Variants in POLR3B observed in about 807,000 individuals in gnomAD.
POLR3B encodes RNA polymerase III subunit B.
A neutral mutation model predicts 147.4 loss-of-function variants in POLR3B; 96 were observed. The ratio of observed to expected loss-of-function variants is 0.65; its 90% CI spans 0.55 to 0.77. The LOEUF (loss-of-function observed/expected upper bound fraction) is 0.77. Among genes scored for constraint, POLR3B ranks in the 30% least tolerant of loss-of-function variants. POLR3B has a pLI of 0.00. For missense variants in POLR3B, 1,036 were observed against 1,413.5 expected (o/e 0.73, Z 4.28); for synonymous variants, 461 against 485.9 (o/e 0.95, Z 0.67).
chr12:106,432,456 A>G lies in POLR3B; in HGVS notation c.1603A>G (p.Asn535Asp), dbSNP rs755854514. The G allele has an allele frequency of 6.8e-6, 11 of 1,613,126 alleles. No individual in the cohort carries two copies. The Admixed American group carries it at 1.8e-4, about 27-fold the overall frequency. ...LLCGEELSYP[N>D]VFLVFLNGNI... ...ATGTGGGGAAGAGCTCTCTTACCCA[A>G]ATGTGTTTCTTGTCTTTCTTAATGG... Residue 535 changes from asparagine (N) to aspartate (D), a missense_variant, in exon 15 of 28, where the codon AAT (asparagine) becomes GAT (aspartate). Asn to Asp is a conservative substitution (Grantham distance 23). Transcript: ENST00000228347.
intron 10 of POLR3B, among the ~76,000 whole-genome samples, chr12:106,394,586 A>T (rs1487370094): frequency 6.6e-6 from 1 of 152,204 alleles, no homozygotes; most frequent in African/African-American, 2.4e-5. Flanking sequence ...TATGCAGTTT[A>T]TTTCAAACAT....
At chr12:106,410,607 C>G in intron 11 of POLR3B, 1 of 562,884 alleles carries the variant, frequency 1.8e-6, no homozygotes, top group Admixed American at 3.0e-5. Context: ...ATGTAGTCAT[C>G]TTTGACACAG....
At chr12:106,445,333 A>G (rs1387383011) in intron 19 of POLR3B, among the ~76,000 whole-genome samples, 1 of 152,176 alleles carries the variant, frequency 6.6e-6, no homozygotes, top group East Asian at 1.9e-4. Flanking sequence ...GACAACCAAA[A>G]TCTAAGAAAA....
chr12:106,384,414 T>C (rs1370788104), intron 9 of POLR3B, among the ~76,000 whole-genome samples: 1 of 152,244 alleles, frequency 6.6e-6, no homozygotes, highest in East Asian at 1.9e-4. Flanking sequence ...ACTTACTTGC[T>C]AAAATTTATA....
chr12:106,416,426 T>C (rs1232453634), intron 12 of POLR3B, among the ~76,000 whole-genome samples: 1 of 152,208 alleles, frequency 6.6e-6, no homozygotes, highest in Non-Finnish European at 1.5e-5. Context: ...TCTCTTGTTC[T>C]TGGCTGCCCC....
In POLR3B at chr12:106,433,833, G is replaced by A. The variant is rs1302871916; in HGVS notation, c.1742G>A (p.Arg581Gln). ...TCCATCTCAACAAATCTTACAGATC[G>A]ATGTGTCTATATTTCTTCTGATGGG... ...FVSISTNLTD[R>Q]CVYISSDGGR... Residue 581 changes from arginine to glutamine, a missense_variant, in exon 16 of 28, where the codon CGA (arginine) becomes CAA (glutamine). Physicochemically the swap from Arg to Gln is conservative, Grantham distance 43. Around this residue, in one of 12 missense-constraint regions of POLR3B, gnomAD observed 177 missense variants for 232.7 expected, o/e 0.76. Coordinates refer to ENST00000228347, the MANE Select transcript of POLR3B (RefSeq NM_018082.6). The A allele has an allele frequency of 2.5e-6, 4 of 1,613,508 alleles. No homozygotes were observed. The highest frequency in any genetic ancestry group is 1.1e-5 in the South Asian group (1 of 91,046).
intron 26 of POLR3B, among the ~76,000 whole-genome samples, chr12:106,503,407 T>C (rs2038633613): frequency 6.6e-6 from 1 of 152,168 alleles, no homozygotes; most frequent in Admixed American, 6.5e-5. Context: ...GCTCAAAGAT[T>C]ACCTTTAAGA....
chr12:106,386,833 G>A (rs1433601314), intron 9 of POLR3B, among the ~76,000 whole-genome samples: 2 of 152,022 alleles, frequency 1.3e-5, no homozygotes, highest in Non-Finnish European at 2.9e-5. Context: ...CGTGAACCTG[G>A]AAGCCGGAGC....
chr12:106,483,892 C>T lies in POLR3B; in HGVS notation c.2714-12163C>T, dbSNP rs577402236. Reference sequence around the variant, plus strand: ...CTGTTCAGTATTTAAAGAAAGCCCTCGGATTGACGAAAAGTATAGCAGAGA... The same window carrying T: ...CTGTTCAGTATTTAAAGAAAGCCCTTGGATTGACGAAAAGTATAGCAGAGA... On this transcript the variant is annotated intron_variant, in intron 23 of 27. Coordinates refer to ENST00000228347, the MANE Select transcript of POLR3B (RefSeq NM_018082.6). 6.6e-5 allele frequency among the ~76,000 whole-genome samples: 10 copies of T among 152,280 alleles called. No homozygotes were observed. The South Asian group carries it at 2.1e-3, about 32-fold the overall frequency.
At chr12:106,452,237 A>G (rs1341853462) in intron 19 of POLR3B, among the ~76,000 whole-genome samples, 2 of 152,262 alleles carry the variant, frequency 1.3e-5, no homozygotes, top group Non-Finnish European at 2.9e-5. Flanking sequence ...TTTAACTTAC[A>G]CACCCATAGT....
intron 23 of POLR3B, among the ~76,000 whole-genome samples, chr12:106,479,858 G>C (rs2038242572): frequency 8.7e-6 from 1 of 115,444 alleles, no homozygotes; most frequent in Non-Finnish European, 1.9e-5. Context: ...CTGTCACCCA[G>C]GCTGGAGTAC....
At chr12:106,405,748 T>C (rs1321815041) in intron 10 of POLR3B, 109 bp from the exon 11 acceptor site, 4 of 1,062,936 alleles carry the variant, frequency 3.8e-6, no homozygotes, top group Non-Finnish European at 5.8e-6. Flanking sequence ...CAGCTTTCTC[T>C]ATAACCAGGG....
intron 23 of POLR3B, among the ~76,000 whole-genome samples, chr12:106,468,908 G>T (rs2038047230): frequency 6.6e-6 from 1 of 152,174 alleles, no homozygotes; most frequent in Non-Finnish European, 1.5e-5. Context: ...TGAGAAAAAT[G>T]TATATTCTGT....
At chr12:106,509,398 C>G (rs1280978697) in intron 27 of POLR3B, 22 bp from the exon 28 acceptor site, 1 of 1,612,916 alleles carries the variant, frequency 6.2e-7, no homozygotes, top group South Asian at 1.1e-5. Flanking sequence ...GTCTGTCTAA[C>G]GCTTGCTGAC....
chr12:106,403,805 T>C (rs1173214077), intron 10 of POLR3B, among the ~76,000 whole-genome samples: 1 of 94,698 alleles, frequency 1.1e-5, no homozygotes, highest in Admixed American at 1.6e-4. Context: ...CACCGGGGAC[T>C]GTTGTGGGGT....
At chr12:106,476,082 C>T in intron 23 of POLR3B, among the ~76,000 whole-genome samples, 1 of 146,960 alleles carries the variant, frequency 6.8e-6, no homozygotes, top group Non-Finnish European at 1.5e-5. Context: ...AATCTCTCAG[C>T]ATTTGCTTGT....
chr12:106,394,782 A>G (rs965809217), intron 10 of POLR3B, among the ~76,000 whole-genome samples: 10 of 152,336 alleles, frequency 6.6e-5, no homozygotes, highest in African/African-American at 2.2e-4. Flanking sequence ...TAAGAAAGAC[A>G]AATGTTCCTT....
intron 18 of POLR3B, among the ~76,000 whole-genome samples, chr12:106,439,500 C>A (rs983707838): frequency 6.6e-6 from 1 of 151,950 alleles, no homozygotes; most frequent in African/African-American, 2.4e-5. Context: ...TAAAAATTAG[C>A]CAGGTGTGGT....
Position 106,364,341 on chromosome 12 carries a change from T to C in POLR3B, c.105+439T>C, listed in dbSNP as rs539440451. 9.8e-5 allele frequency among the ~76,000 whole-genome samples: 15 copies of C among 152,340 alleles called. No individual in the cohort carries two copies. In the East Asian group the frequency reaches 1.3e-3, roughly 14 times the overall value. On this transcript the variant is annotated intron_variant, in intron 2 of 27. Coordinates refer to ENST00000228347, the MANE Select transcript of POLR3B (RefSeq NM_018082.6). ...AGTCAAGAGGAGCTGCTGAATATGA[T>C]ATGATGTGGTGTCGGGCTTCAATTC...
Sources: allele counts gnomAD v4.1 joint callset (sites outside exome capture counted in the v4.1 genomes callset), GRCh38; gene constraint gnomAD v4.1.1; regional missense constraint gnomAD v4.1.1; transcripts MANE v1.5; gene names NCBI Gene and HGNC (gene_info 2026-07-23, HGNC 2026-07-21).